NELL1: variants seen among roughly 807,000 people sequenced by gnomAD.
NELL1 encodes the protein neural EGFL like 1.
In NELL1, 76 loss-of-function variants were observed where a neutral mutation model predicts 107.4. The observed-to-expected ratio is 0.71, with a 90% confidence interval of 0.59 to 0.86. The LOEUF (loss-of-function observed/expected upper bound fraction) is 0.86, where lower values mean the gene tolerates loss of function less well. Ranked by LOEUF, NELL1 falls within the 40% of genes least tolerant of loss-of-function variation. NELL1 has a pLI of 0.00. For synonymous variants in NELL1, 353 were observed against 341.2 expected (o/e 1.03, Z -0.38); for missense variants, 1,024 against 1,005.5 (o/e 1.02, Z -0.25).
intron 12 of NELL1, among the ~76,000 whole-genome samples, chr11:21,051,319 A>G (rs1307656751): frequency 6.6e-6 from 1 of 152,094 alleles, no homozygotes; most frequent in Non-Finnish European, 1.5e-5. Flanking sequence ...TCACTTGTAA[A>G]TGGGAGCTAA....
intron 14 of NELL1, among the ~76,000 whole-genome samples, chr11:21,243,157 C>CA (rs888698601): frequency 6.6e-6 from 1 of 151,918 alleles, no homozygotes; most frequent in African/African-American, 2.4e-5. Context: ...AGGGATATGG[C>CA]AAAAAATCAA....
At chr11:21,408,723 T>C (rs573633077) in intron 15 of NELL1, among the ~76,000 whole-genome samples, 4 of 152,180 alleles carry the variant, frequency 2.6e-5, no homozygotes, top group East Asian at 1.9e-4. Flanking sequence ...TTTGGTGTTT[T>C]AGACATGAAG....
chr11:21,222,242 C>G (rs890570566), intron 13 of NELL1, among the ~76,000 whole-genome samples: 2 of 151,942 alleles, frequency 1.3e-5, no homozygotes, highest in Non-Finnish European at 2.9e-5. Context: ...GGCAGTGGTG[C>G]GATCTTGGCT....
intron 9 of NELL1, among the ~76,000 whole-genome samples, chr11:20,931,955 T>C (rs1280756739): frequency 6.6e-6 from 1 of 152,138 alleles, no homozygotes; most frequent in African/African-American, 2.4e-5. Flanking sequence ...AAGCAGATTG[T>C]GTTGTCTGCT....
intron 2 of NELL1, among the ~76,000 whole-genome samples, chr11:20,734,730 T>C (rs1436033051): frequency 1.3e-5 from 2 of 152,066 alleles, no homozygotes; most frequent in African/African-American, 4.8e-5. Flanking sequence ...AAGTCCAGGG[T>C]TCAGAGGAGA....
chr11:21,363,580 C>A (rs560476019), intron 14 of NELL1, among the ~76,000 whole-genome samples: 1 of 152,284 alleles, frequency 6.6e-6, no homozygotes, highest in East Asian at 1.9e-4. Flanking sequence ...TCTGTCCATA[C>A]ATGTGGGAGC....
rs778403560 is a variant in NELL1 at position 21,560,399 on chromosome 11, G to A, written c.1980+17G>A. On this transcript the variant is annotated intron_variant, in intron 17 of 19. Coordinates refer to ENST00000357134, the MANE Select transcript of NELL1 (RefSeq NM_006157.5). ...TCCTGCAAGGTGAGGCTGATGTGGT[G>A]CAGCAGAAATTGAAACTGTTCTTTC... 1.3e-6 allele frequency: 2 copies of A among 1,540,298 alleles called. No homozygotes were observed. Among genetic ancestry groups the A allele is most frequent in the Admixed American group, 2.1e-5 (1 of 47,798 alleles).
At chr11:20,947,073 G>C (rs1850977373) in intron 10 of NELL1, among the ~76,000 whole-genome samples, 1 of 152,048 alleles carries the variant, frequency 6.6e-6, no homozygotes, top group Non-Finnish European at 1.5e-5. Context: ...TCAGTGCATT[G>C]CTGTTAGAAT....
chr11:20,684,066 A>T, intron 2 of NELL1, among the ~76,000 whole-genome samples: 1 of 142,428 alleles, frequency 7.0e-6, no homozygotes, highest in African/African-American at 2.6e-5. Flanking sequence ...TATATATTTG[A>T]CTGCTTAAAG....
At chr11:20,937,693 G>T (rs1488110064) in intron 9 of NELL1, 93 bp from the exon 10 acceptor site, 4 of 864,632 alleles carry the variant, frequency 4.6e-6, no homozygotes, top group Non-Finnish European at 7.9e-6. Flanking sequence ...GAGAATCTAG[G>T]TTTCTGTGGA....
intron 12 of NELL1, among the ~76,000 whole-genome samples, chr11:20,967,758 A>G (rs977195493): frequency 3.3e-5 from 5 of 152,172 alleles, no homozygotes; most frequent in Non-Finnish European, 5.9e-5. Flanking sequence ...AAACATATTT[A>G]AAGTGAGCTT....
intron 13 of NELL1, among the ~76,000 whole-genome samples, chr11:21,216,748 G>T (rs760746525): frequency 1.3e-5 from 2 of 152,166 alleles, no homozygotes; most frequent in Non-Finnish European, 2.9e-5. Context: ...TTGTATCTAA[G>T]AAATAAATAA....
intron 12 of NELL1, among the ~76,000 whole-genome samples, chr11:20,976,606 G>A (rs1851641311): frequency 6.6e-6 from 1 of 152,018 alleles, no homozygotes; most frequent in African/African-American, 2.4e-5. Context: ...TGCATATAAT[G>A]GCTTTGAAAA....
intron 4 of NELL1, among the ~76,000 whole-genome samples, chr11:20,850,227 A>T (rs773917416): frequency 6.6e-6 from 1 of 152,184 alleles, no homozygotes; most frequent in South Asian, 2.1e-4. Flanking sequence ...ATATATCAAG[A>T]TGCTGGTTCT....
At chr11:20,973,995 T>C (rs1232704573) in intron 12 of NELL1, among the ~76,000 whole-genome samples, 1 of 152,248 alleles carries the variant, frequency 6.6e-6, no homozygotes, top group African/African-American at 2.4e-5. Flanking sequence ...AAGTCATGTG[T>C]TGCATTTGAC....
chr11:21,378,265 G>GTATATA (rs5790180), intron 15 of NELL1, among the ~76,000 whole-genome samples: 10 of 143,772 alleles, frequency 7.0e-5, no homozygotes, highest in Non-Finnish European at 1.4e-4. Flanking sequence ...GCATATATAT[G>GTATATA]TATATATATA....
chr11:20,771,097 G>A (rs1856631520), intron 2 of NELL1, among the ~76,000 whole-genome samples: 1 of 152,000 alleles, frequency 6.6e-6, no homozygotes, highest in Non-Finnish European at 1.5e-5. Flanking sequence ...ATCTCCCCAA[G>A]TGCAGGCTTC....
intron 15 of NELL1, among the ~76,000 whole-genome samples, chr11:21,533,303 A>G (rs1467958617): frequency 6.6e-6 from 1 of 152,164 alleles, no homozygotes; most frequent in East Asian, 1.9e-4. Context: ...TTGCCCCTGA[A>G]CTGATGCTTC....
intron 2 of NELL1, among the ~76,000 whole-genome samples, chr11:20,726,978 G>T (rs1370725373): frequency 2.0e-5 from 3 of 151,984 alleles, no homozygotes; most frequent in Admixed American, 1.3e-4. Flanking sequence ...TGCCACATTT[G>T]CTTAATCCAG....
Sources: allele counts gnomAD v4.1 joint callset (sites outside exome capture counted in the v4.1 genomes callset), GRCh38; gene constraint gnomAD v4.1.1; transcripts MANE v1.5; gene names NCBI Gene and HGNC (gene_info 2026-07-23, HGNC 2026-07-21).